C6orf132: variants seen among roughly 807,000 people sequenced by gnomAD.
The protein encoded by C6orf132 is chromosome 6 open reading frame 132.
A neutral mutation model predicts 65.3 loss-of-function variants in C6orf132; 43 were observed. That is an observed-to-expected ratio of 0.66 (90% CI 0.52 to 0.85). C6orf132 has a LOEUF of 0.85. C6orf132 is among the 40% of genes least tolerant of loss of function. The probability of loss-of-function intolerance (pLI) is 0.00; values close to 1 mark genes in which losing one functional copy is unlikely to be tolerated. For synonymous variants in C6orf132, 631 were observed against 654.1 expected, an observed-to-expected ratio of 0.96 and a Z score of 0.54; for missense variants, 1,488 against 1,548.8, an observed-to-expected ratio of 0.96 and a Z score of 0.66.
intron 1 of C6orf132, among the ~76,000 whole-genome samples, chr6:42,132,014 C>G (rs7763477): frequency 1 from 151,390 of 152,114 alleles, 75,337 homozygotes; most frequent in Middle Eastern, 1. Context: ...CTGTGAGAGG[C>G]GCTCAGCTGC....
chr6:42,120,951 G>T (rs1389980114), intron 2 of C6orf132, among the ~76,000 whole-genome samples: 1 of 152,044 alleles, frequency 6.6e-6, no homozygotes, highest in Non-Finnish European at 1.5e-5. Flanking sequence ...GTGATTGAGT[G>T]GAAAAAACAT....
rs527623068 is a variant in C6orf132, at chr6:42,104,872, G to A, written c.3040C>T (p.Arg1014Trp). ...QYLGRQSSPP[R>W]NNYSDLRQLP... Reference sequence around the variant, plus strand: ...TGCCTCAAGTCTGAGTAGTTGTTCCGGGGAGGGGAGCTCTGGCGGCCCAGA... The same window carrying A: ...TGCCTCAAGTCTGAGTAGTTGTTCCAGGGAGGGGAGCTCTGGCGGCCCAGA... The change falls in exon 4 of 5, where the codon CGG (arginine) becomes TGG (tryptophan). Residue 1014 changes from arginine to tryptophan, a missense_variant. Physicochemically the swap from Arg to Trp is moderately radical, Grantham distance 101. Coordinates refer to ENST00000341865, the MANE Select transcript of C6orf132 (RefSeq NM_001164446.3). The surrounding 1 kb of genome is among the most constrained non-coding windows in gnomAD (Gnocchi z 4.1). 7.0e-5 allele frequency: 102 copies of A among 1,449,390 alleles called. 1 individual carries two copies. In the South Asian group the frequency reaches 1.1e-3, roughly 16 times the overall value. 89.8% of individuals were successfully genotyped at this position (1,449,390 alleles called of 1,614,324 possible). A position where few individuals can be genotyped will look rare whatever the true frequency, so the allele number is the denominator to read the frequency against.
At chr6:42,107,748 C>G (rs1458301922) in intron 3 of C6orf132, among the ~76,000 whole-genome samples, 165 bp from the exon 4 acceptor site, 2 of 152,184 alleles carry the variant, frequency 1.3e-5, no homozygotes, top group Non-Finnish European at 2.9e-5. Context: ...GTCTCCTGAG[C>G]TGTCCTGGGG....
chr6:42,134,341 G>A (rs1766905584), intron 1 of C6orf132, among the ~76,000 whole-genome samples: 2 of 152,196 alleles, frequency 1.3e-5, no homozygotes. Flanking sequence ...GAGAAAGTGT[G>A]CAAAAGTCAT....
intron 2 of C6orf132, among the ~76,000 whole-genome samples, chr6:42,119,308 T>A (rs1477351015): frequency 7.6e-6 from 1 of 132,034 alleles, no homozygotes; most frequent in Non-Finnish European, 1.6e-5. Context: ...AGTTTGGTAC[T>A]ACAGGTGCAA....
At chr6:42,123,640 G>A (rs1766724870) in intron 2 of C6orf132, among the ~76,000 whole-genome samples, 1 of 152,116 alleles carries the variant, frequency 6.6e-6, no homozygotes, top group South Asian at 2.1e-4. Flanking sequence ...GCTCTGGCTT[G>A]CTCTCTGGGC....
intron 2 of C6orf132, chr6:42,126,545 A>G (rs1766768142): frequency 5.6e-6 from 1 of 177,264 alleles, no homozygotes; most frequent in African/African-American, 2.4e-5. Context: ...TAACCTCCCA[A>G]TATAGAGTAT....
Position 42,115,901 on chromosome 6 carries a change from CT to C in C6orf132, c.253-5611del, listed in dbSNP as rs1294472315. Among the ~76,000 whole-genome samples the C allele has an allele frequency of 2.1e-3, 262 of 125,954 alleles. 2 individuals are homozygous for C. The highest frequency in any genetic ancestry group is 4.2e-3 in the African/African-American group (149 of 35,682). 82.6% of individuals were successfully genotyped at this position (125,954 alleles called of 152,430 possible). ...GTATCAGGTACTCTTTCAGCACTTT[CT>C]TTTTTTTTTTTTCTTTTTTCTTTTT... On this transcript the variant is annotated intron_variant, in intron 2 of 4. Coordinates refer to ENST00000341865, the MANE Select transcript of C6orf132 (RefSeq NM_001164446.3).
chr6:42,111,976 C>CA (rs1422884895), intron 2 of C6orf132, among the ~76,000 whole-genome samples: 1 of 151,922 alleles, frequency 6.6e-6, no homozygotes, highest in Non-Finnish European at 1.5e-5. Context: ...ATTTCCCACT[C>CA]ACCTATTACA....
At position 42,105,401 on chromosome 6, in the gene C6orf132, C is replaced by T. The variant is rs765974828; in HGVS notation, c.2511G>A (p.Ser837=). The T allele has an allele frequency of 9.8e-6, 15 of 1,535,588 alleles. No homozygotes were observed. Among genetic ancestry groups the T allele is most frequent in the Non-Finnish European group, 1.0e-5 (12 of 1,146,300 alleles). ...TGGCCGCCAGGAGCAGGGCCATCGGCGAGCCCCGCTCCACCACCTCCCCAG... is the reference window on the plus strand; with the variant it reads ...TGGCCGCCAGGAGCAGGGCCATCGGTGAGCCCCGCTCCACCACCTCCCCAG... ...PVTGEVVERG[S]PMALLLAARQ... is the part of the protein sequence containing the mutation. Residue 837 remains serine, a synonymous_variant, in exon 4 of 5, where the codon TCG becomes TCA. Coordinates refer to ENST00000341865, the MANE Select transcript of C6orf132 (RefSeq NM_001164446.3).
At chr6:42,136,189 G>A (rs1427799689) in intron 1 of C6orf132, among the ~76,000 whole-genome samples, 8 of 149,364 alleles carry the variant, frequency 5.4e-5, no homozygotes, top group African/African-American at 1.7e-4. Context: ...AGTTGGTAAG[G>A]CCTGGAGGGG....
At chr6:42,115,047 TCCCAGAAC>T (rs1336279486) in intron 2 of C6orf132, among the ~76,000 whole-genome samples, 1 of 145,540 alleles carries the variant, frequency 6.9e-6, no homozygotes, top group African/African-American at 2.6e-5. Flanking sequence ...ACACCTGTAA[TCCCAGAAC>T]TTTGGGAGGC....
In C6orf132 at chr6:42,142,379, G is replaced by T. The variant is rs771596811; in HGVS notation, c.66C>A (p.Thr22=). The T allele has an allele frequency of 1.7e-5, 27 of 1,551,504 alleles. No homozygotes were observed. Among genetic ancestry groups the T allele is most frequent in the Non-Finnish European group, 2.4e-5 (27 of 1,146,870 alleles). ...SKLFGKKHTT[T]PSTSLYATNP... ...TGGTGGCGTAGAGGGAGGTGCTGGG[G>T]GTCGTGGTGTGCTTCTTCCCGAAGA... The change falls in exon 1 of 5, where the codon ACC becomes ACA. Residue 22 remains threonine, a synonymous_variant. Coordinates refer to ENST00000341865, the MANE Select transcript of C6orf132 (RefSeq NM_001164446.3).
Position 42,110,283 on chromosome 6 carries a change from C to T in C6orf132, c.261G>A (p.Gln87=). The T allele has an allele frequency of 6.5e-7, 1 of 1,548,298 alleles. No individual in the cohort carries two copies. Among genetic ancestry groups the T allele is most frequent in the Non-Finnish European group, 8.7e-7 (1 of 1,145,762 alleles). The change falls in exon 3 of 5, where the codon CAG becomes CAA. Residue 87 remains glutamine (Q), a synonymous_variant. Transcript: ENST00000341865. ...PLLTFLPLNA[Q]ENHGLAVPTP... ...TGGGCACAGCCAGCCCATGGTTTTCCTGGGCATTCTGAAAGAGACCAGAAA... is the reference window on the plus strand; with the variant it reads ...TGGGCACAGCCAGCCCATGGTTTTCTTGGGCATTCTGAAAGAGACCAGAAA...
In C6orf132 at chr6:42,106,455, C is replaced by T. The variant is rs1319606461; in HGVS notation, c.1457G>A (p.Arg486Gln). Reference sequence around the variant, plus strand: ...TGGGCCTGGCCTGTGACTGAGGAATCGGTCCTCTCTCCTGGAGCCACAGAG... The same window carrying T: ...TGGGCCTGGCCTGTGACTGAGGAATTGGTCCTCTCTCCTGGAGCCACAGAG... ...AYLCGSRRED[R>Q]FLSHRPGPTV... The change falls in exon 4 of 5, where the codon CGA (arginine) becomes CAA (glutamine). Residue 486 changes from arginine (R) to glutamine (Q), a missense_variant. Coordinates refer to ENST00000341865, the MANE Select transcript of C6orf132 (RefSeq NM_001164446.3). 14 of 1,536,110 alleles carry T rather than the reference C, an allele frequency of 9.1e-6. No individual in the cohort carries two copies. In the South Asian group the frequency reaches 9.5e-5, roughly 10 times the overall value.
rs1659153278 is a variant in C6orf132 at position 42,104,153 on chromosome 6, G to A, written c.3450-275C>T. 3.9e-5 allele frequency among the ~76,000 whole-genome samples: 6 copies of A among 152,158 alleles called. No homozygotes were observed. Among genetic ancestry groups the A allele is most frequent in the Admixed American group, 2.6e-4 (4 of 15,276 alleles). On this transcript the variant is annotated intron_variant, in intron 4 of 4. Transcript: ENST00000341865. The surrounding 1 kb of genome is among the most constrained non-coding windows in gnomAD (Gnocchi z 4.1). The stretch of plus-strand genomic sequence containing the variant: ...GTGTCGGGATCCAACTCTGTGTTGG[G>A]AAATCCCTCCACCCAAGGGCCACTC...
chr6:42,123,199 C>T (rs1277950818), intron 2 of C6orf132, among the ~76,000 whole-genome samples: 1 of 152,026 alleles, frequency 6.6e-6, no homozygotes, highest in African/African-American at 2.4e-5. Flanking sequence ...CTGGCTAACA[C>T]AGTGAAAACC....
intron 2 of C6orf132, among the ~76,000 whole-genome samples, chr6:42,123,103 C>T (rs1766712426): frequency 6.6e-6 from 1 of 152,052 alleles, no homozygotes; most frequent in Non-Finnish European, 1.5e-5. Flanking sequence ...AGGGACAGGC[C>T]GGGCGCGGTG....
At chr6:42,122,853 G>A (rs541942406) in intron 2 of C6orf132, among the ~76,000 whole-genome samples, 5 of 152,304 alleles carry the variant, frequency 3.3e-5, no homozygotes, top group African/African-American at 1.2e-4. Flanking sequence ...TCCTCTGGCA[G>A]AGCCAGGCCT....
Sources: gnomAD v4.1 joint callset for allele counts (sites outside exome capture counted in the v4.1 genomes callset) on GRCh38, gnomAD v4.1.1 for gene constraint, Gnocchi (gnomAD v3.1) non-coding constraint, MANE v1.5 for transcripts, NCBI Gene and HGNC (gene_info 2026-07-23, HGNC 2026-07-21) for gene names.